MSL2: variants seen among roughly 807,000 people sequenced by gnomAD.
MSL2 encodes the protein MSL complex subunit 2.
In MSL2, 2 loss-of-function variants were observed where a neutral mutation model predicts 35.8. The observed-to-expected ratio is 0.06, with a 90% confidence interval of 0.02 to 0.18. MSL2 has a LOEUF of 0.18. MSL2 is among the 10% of genes least tolerant of loss of function. The probability of loss-of-function intolerance (pLI) is 1.00; values close to 1 mark genes in which losing one functional copy is unlikely to be tolerated. For synonymous variants in MSL2, 296 were observed against 255.7 expected, an observed-to-expected ratio of 1.16 and a Z score of -1.50; for missense variants, 523 against 706.7, an observed-to-expected ratio of 0.74 and a Z score of 2.95.
Position 136,151,653 on chromosome 3 carries a change from T to C in MSL2, c.1228A>G (p.Lys410Glu), listed in dbSNP as rs374539493. ...TTCTTGGATCCATGTTCATGACTCT[T>C]TTTCATGCTTTTAGTAGATAAAAGT... ...TVLLSTKSMK[K>E]SHEHGSKKSH... The change falls in exon 2 of 2, where the codon AAG (lysine) becomes GAG (glutamate). Residue 410 changes from lysine to glutamate, a missense_variant. This residue lies in a region of MSL2 where 361 missense variants were observed against 414.6 expected (regional missense o/e 0.87). Coordinates refer to ENST00000309993, the MANE Select transcript of MSL2 (RefSeq NM_018133.4). The surrounding 1 kb of genome is among the most constrained non-coding windows in gnomAD (Gnocchi z 5.2). 39 of 1,614,080 alleles carry C rather than the reference T, an allele frequency of 2.4e-5. No individual in the cohort carries two copies. The highest frequency in any genetic ancestry group is 3.1e-5 in the Non-Finnish European group (37 of 1,180,056).
chr3:136,178,343 A>G (rs1211044952), intron 1 of MSL2, among the ~76,000 whole-genome samples: 1 of 152,196 alleles, frequency 6.6e-6, no homozygotes, highest in East Asian at 1.9e-4. Context: ...GTTGATTCAT[A>G]CCTGAACAAA....
chr3:136,188,787 A>G (rs1940596051), intron 1 of MSL2, among the ~76,000 whole-genome samples: 1 of 150,416 alleles, frequency 6.6e-6, no homozygotes. Context: ...CTCAAGCCCC[A>G]CACCTACCAG....
intron 1 of MSL2, among the ~76,000 whole-genome samples, chr3:136,160,588 T>C (rs1358459684): frequency 6.6e-6 from 1 of 151,668 alleles, no homozygotes; most frequent in Admixed American, 6.6e-5. Flanking sequence ...CATGCACCTG[T>C]AGTCCCAGCT....
chr3:136,151,276 A>G lies in MSL2; in HGVS notation c.1605T>C (p.Ala535=), dbSNP rs1939357515. 1.9e-6 allele frequency: 3 copies of G among 1,614,266 alleles called. No individual in the cohort carries two copies. The highest frequency in any genetic ancestry group is 2.5e-6 in the Non-Finnish European group (3 of 1,180,038). The change falls in exon 2 of 2, where the codon GCT becomes GCC. Residue 535 remains alanine (A), a synonymous_variant. Transcript: ENST00000309993. This position sits in a 1 kb window ranked among gnomAD's most constrained non-coding sequence, Gnocchi z 5.2. ...LTLGINVTSI[A]VRNASTSTSV... Reference sequence around the variant, plus strand: ...TGGTGCTGGTACTAGCGTTACGCACAGCAATGCTAGTCACGTTAATGCCCA... The same window carrying G: ...TGGTGCTGGTACTAGCGTTACGCACGGCAATGCTAGTCACGTTAATGCCCA...
chr3:136,159,792 T>C (rs35837273), intron 1 of MSL2, among the ~76,000 whole-genome samples: 16,416 of 151,934 alleles, frequency 0.11, 1,173 homozygotes, highest in Non-Finnish European at 0.16. Context: ...CAAACCTAAA[T>C]GTAAGAGCTA....
chr3:136,187,504 A>T (rs1940557993), intron 1 of MSL2, among the ~76,000 whole-genome samples: 1 of 151,954 alleles, frequency 6.6e-6, no homozygotes, highest in Non-Finnish European at 1.5e-5. Flanking sequence ...CTCTACTAAA[A>T]ATACATGAAA....
chr3:136,186,266 C>A (rs1199954102), intron 1 of MSL2, among the ~76,000 whole-genome samples: 1 of 152,164 alleles, frequency 6.6e-6, no homozygotes, highest in African/African-American at 2.4e-5. Context: ...CCCTAGATAT[C>A]CATGGGTGAT....
intron 1 of MSL2, among the ~76,000 whole-genome samples, chr3:136,164,903 C>T (rs1416924466): frequency 6.6e-6 from 1 of 151,302 alleles, no homozygotes; most frequent in Non-Finnish European, 1.5e-5. Flanking sequence ...GAGTCGAAGT[C>T]TCGCTCTGTT....
At chr3:136,174,582 A>AG (rs1243865667) in intron 1 of MSL2, among the ~76,000 whole-genome samples, 1 of 152,296 alleles carries the variant, frequency 6.6e-6, no homozygotes, top group Admixed American at 6.5e-5. Flanking sequence ...AGCAAAAGGA[A>AG]GGGGAGGATG....
intron 1 of MSL2, among the ~76,000 whole-genome samples, chr3:136,153,605 TG>T (rs1222068514): frequency 1.3e-5 from 2 of 150,566 alleles, no homozygotes; most frequent in Admixed American, 6.6e-5. Context: ...CTGGCCAACA[TG>T]GTAAAACCCC....
In MSL2 at chr3:136,155,531, T is replaced by TA. The variant is rs572992101; in HGVS notation, c.143-2794dup. The TA allele has an allele frequency of 2.3e-3, 431 of 187,494 alleles. 4 individuals carry two copies. Among genetic ancestry groups the TA allele is most frequent in the South Asian group, 1.9e-3 (19 of 10,040 alleles). The allele number at this position is 187,494 out of a possible 1,614,324, so 11.6% of individuals were successfully genotyped here. A position where few individuals can be genotyped will look rare whatever the true frequency, so the allele number is the denominator to read the frequency against. On this transcript the variant is annotated intron_variant, in intron 1 of 1. Coordinates refer to ENST00000309993, the MANE Select transcript of MSL2 (RefSeq NM_018133.4). ...CCTCAAAAAAATAAATAAATAAATTTAAAAAAAGAAAGGGGTGTCCATCTC... is the reference window on the plus strand; with the variant it reads ...CCTCAAAAAAATAAATAAATAAATTTAAAAAAAAGAAAGGGGTGTCCATCTC...
chr3:136,168,294 TAAC>T (rs1261011207), intron 1 of MSL2, among the ~76,000 whole-genome samples: 5 of 151,962 alleles, frequency 3.3e-5, no homozygotes, highest in Non-Finnish European at 7.4e-5. Context: ...TAAAATGGGA[TAAC>T]AACAGTCGTG....
In MSL2 at chr3:136,151,711, A is replaced by G; in HGVS notation, c.1170T>C (p.Asn390=). The G allele has an allele frequency of 6.2e-7, 1 of 1,614,130 alleles. No individual in the cohort carries two copies. Among genetic ancestry groups the G allele is most frequent in the South Asian group, 1.1e-5 (1 of 91,080 alleles). Residue 390 remains asparagine (N), a synonymous_variant, in exon 2 of 2, where the codon AAT becomes AAC. Transcript: ENST00000309993. This position sits in a 1 kb window ranked among gnomAD's most constrained non-coding sequence, Gnocchi z 5.2. ...ISLQPIATVP[N]GGTTPKISKT... is the part of the protein sequence containing the mutation. Reference sequence around the variant, plus strand: ...TGCTGATTTTAGGTGTTGTGCCTCCATTGGGAACAGTTGCTATAGGTTGAA... The same window carrying G: ...TGCTGATTTTAGGTGTTGTGCCTCCGTTGGGAACAGTTGCTATAGGTTGAA...
In MSL2 at chr3:136,195,329, A is replaced by C. The variant is rs1473746642; in HGVS notation, c.-216T>G. 2 of 1,350,066 alleles carry C rather than the reference A, an allele frequency of 1.5e-6. No individual in the cohort carries two copies. The highest frequency in any genetic ancestry group is 1.9e-6 in the Non-Finnish European group (2 of 1,054,840). The allele number at this position is 1,350,066 out of a possible 1,614,324, so 83.6% of individuals were successfully genotyped here. On this transcript the variant is annotated 5_prime_UTR_variant, in exon 1 of 2. Transcript: ENST00000309993. ...GCGCCCCTCCGTCCCTGAGACTTCC[A>C]GACCAAAAATATGAGAGAGAAACCA... is the stretch of plus-strand genomic sequence containing the variant.
chr3:136,170,911 A>G (rs879282634), intron 1 of MSL2, among the ~76,000 whole-genome samples: 1 of 152,170 alleles, frequency 6.6e-6, no homozygotes, highest in Non-Finnish European at 1.5e-5. Flanking sequence ...AAAATGAGGT[A>G]GCAGAACCCT....
chr3:136,151,784 A>C lies in MSL2; in HGVS notation c.1097T>G (p.Leu366Arg). 2.5e-6 allele frequency: 4 copies of C among 1,614,168 alleles called. No individual in the cohort carries two copies. Among genetic ancestry groups the C allele is most frequent in the Non-Finnish European group, 3.4e-6 (4 of 1,180,044 alleles). The change falls in exon 2 of 2, where the codon CTG becomes CGG. Residue 366 changes from leucine to arginine, a missense_variant. Coordinates refer to ENST00000309993, the MANE Select transcript of MSL2 (RefSeq NM_018133.4). The surrounding 1 kb of genome is among the most constrained non-coding windows in gnomAD (Gnocchi z 5.2). ...PISTIIRGPTLGASAPVTVKR... is the reference protein window; with the variant it reads ...PISTIIRGPTRGASAPVTVKR... ...CACTGTCACAGGAGCAGATGCCCCC[A>C]GTGTTGGGCCTCGGATAATGGTAGA... is the stretch of plus-strand genomic sequence containing the variant.
chr3:136,195,844 T>A lies in MSL2; in HGVS notation c.-731A>T. ...CCGGAGGGGAAGGCCGGGGAGGAAG[T>A]GCGCGGGCCGCCGCCGGCGGGCGGG... On this transcript the variant is annotated 5_prime_UTR_variant, in exon 1 of 2. Coordinates refer to ENST00000309993, the MANE Select transcript of MSL2 (RefSeq NM_018133.4). 1 of 982,162 alleles carries A rather than the reference T, an allele frequency of 1.0e-6. No individual in the cohort carries two copies. The highest frequency in any genetic ancestry group is 1.2e-6 in the Non-Finnish European group (1 of 828,172). The allele number at this position is 982,162 out of a possible 1,614,324, so 60.8% of individuals were successfully genotyped here.
intron 1 of MSL2, among the ~76,000 whole-genome samples, chr3:136,184,320 G>A (rs1454648543): frequency 6.6e-6 from 1 of 151,706 alleles, no homozygotes; most frequent in Non-Finnish European, 1.5e-5. Flanking sequence ...ATGGTTCTGG[G>A]CTGGGCACAG....
intron 1 of MSL2, among the ~76,000 whole-genome samples, chr3:136,177,679 A>AT (rs1444103912): frequency 9.4e-5 from 12 of 127,278 alleles, no homozygotes; most frequent in East Asian, 2.8e-4. Flanking sequence ...ACTCCGTCTC[A>AT]TAAAAAAAAA....
Sources: gnomAD v4.1 joint callset for allele counts (sites outside exome capture counted in the v4.1 genomes callset) on GRCh38, gnomAD v4.1.1 for gene constraint, gnomAD v4.1.1 regional missense constraint, Gnocchi (gnomAD v3.1) non-coding constraint, MANE v1.5 for transcripts, NCBI Gene and HGNC (gene_info 2026-07-23, HGNC 2026-07-21) for gene names.